Variants in DNM1 observed in about 807,000 individuals in gnomAD.
DNM1 encodes the protein dynamin 1.
In DNM1, 29 loss-of-function variants were observed where a neutral mutation model predicts 104.6. The observed-to-expected ratio is 0.28, with a 90% CI of 0.21 to 0.38. The LOEUF is 0.38. Ranked by LOEUF, DNM1 falls within the 10% of genes least tolerant of loss-of-function variation. The pLI, the probability that DNM1 is intolerant of heterozygous loss-of-function variation, is 1.00. For missense variants in DNM1, 640 were observed against 1,189.4 expected, an observed-to-expected ratio of 0.54 and a Z score of 6.79; for synonymous variants, 445 against 475.8, an observed-to-expected ratio of 0.94 and a Z score of 0.84.
Position 128,253,965 on chromosome 9 carries a change from C to T in DNM1, c.2535-689C>T, listed in dbSNP as rs932081775. 2 of 1,233,674 alleles carry T rather than the reference C, an allele frequency of 1.6e-6. No homozygotes were observed. Among genetic ancestry groups the T allele is most frequent in the Admixed American group, 4.2e-5 (1 of 23,744 alleles). 76.4% of individuals were successfully genotyped at this position (1,233,674 alleles called of 1,614,324 possible). On this transcript the variant is annotated intron_variant, in intron 21 of 21. Coordinates refer to ENST00000372923, the MANE Select transcript of DNM1 (RefSeq NM_004408.4). The surrounding 1 kb of genome is among the most constrained non-coding windows in gnomAD (Gnocchi z 5.9). ...AGCTCCGCCCAGTGAGCCCACCCCC[C>T]ATTCTCCTGCCACTGACTCTCGCTC...
In DNM1 at chr9:128,220,726, A is replaced by AGCGCGCGCGC. The variant is rs747195864; in HGVS notation, c.849+386_849+387insCGCGCGCGCG. 8.3e-3 allele frequency among the ~76,000 whole-genome samples: 1,104 copies of AGCGCGCGCGC among 133,302 alleles called. 9 individuals are homozygous for AGCGCGCGCGC. The highest frequency in any genetic ancestry group is 0.013 in the Non-Finnish European group (779 of 61,068). 87.5% of individuals were successfully genotyped at this position (133,302 alleles called of 152,430 possible). ...TCTGGAATGGGGCATCCAGAACTGAAGTGCGCGCGCGCGCGCGTGTGTGTG... is the reference window on the plus strand; with the variant it reads ...TCTGGAATGGGGCATCCAGAACTGAAGCGCGCGCGCGTGCGCGCGCGCGCGCGTGTGTGTG... On this transcript the variant is annotated intron_variant, in intron 6 of 21. Transcript: ENST00000372923. The surrounding 1 kb of genome is among the most constrained non-coding windows in gnomAD (Gnocchi z 5.2).
intron 15 of DNM1, among the ~76,000 whole-genome samples, chr9:128,242,777 G>A (rs1004210324): frequency 4.6e-5 from 7 of 152,232 alleles, no homozygotes; most frequent in African/African-American, 7.2e-5. Context: ...AAGGATCCAC[G>A]GGTGGAGTTG....
intron 15 of DNM1, among the ~76,000 whole-genome samples, chr9:128,244,554 G>A (rs553811217): frequency 4.0e-5 from 5 of 123,770 alleles, no homozygotes; most frequent in African/African-American, 1.6e-4. Context: ...AGTCTTCCTC[G>A]GCCACCCTTC....
In DNM1 at chr9:128,247,253, G is replaced by A. The variant is rs958577917; in HGVS notation, c.1782-122G>A. 35 of 622,506 alleles carry A rather than the reference G, an allele frequency of 5.6e-5. No homozygotes were observed. The highest frequency in any genetic ancestry group is 7.9e-5 in the Non-Finnish European group (27 of 342,666). The allele number at this position is 622,506 out of a possible 1,614,324, so 38.6% of individuals were successfully genotyped here. A position where few individuals can be genotyped will look rare whatever the true frequency, so the allele number is the denominator to read the frequency against. On this transcript the variant is annotated intron_variant, in intron 16 of 21. Coordinates refer to ENST00000372923, the MANE Select transcript of DNM1 (RefSeq NM_004408.4). This position sits in a 1 kb window ranked among gnomAD's most constrained non-coding sequence, Gnocchi z 5.1. ...GCTGAGAGGAAGGGACTTGCACAGG[G>A]TCACACAGCTGGGAAATGAGCTGGC...
chr9:128,223,154 A>C (rs1030256523), intron 9 of DNM1: 9 of 424,938 alleles, frequency 2.1e-5, no homozygotes, highest in African/African-American at 1.8e-4. Context: ...TAGCTCCCCC[A>C]GTGCCACCCA....
In DNM1 at chr9:128,222,190, C is replaced by A. The variant is rs1835066447; in HGVS notation, c.850-7C>A. The A allele has an allele frequency of 6.2e-7, 1 of 1,610,094 alleles. No individual in the cohort carries two copies. Reference sequence around the variant, plus strand: ...GTCCTCAACCCTTTCCTCACCCTTACCCCCAGCAACTGACGAACCACATCC... The same window carrying A: ...GTCCTCAACCCTTTCCTCACCCTTAACCCCAGCAACTGACGAACCACATCC... On this transcript the variant is annotated splice_region_variant and splice_polypyrimidine_tract_variant and intron_variant, in intron 6 of 21. Coordinates refer to ENST00000372923, the MANE Select transcript of DNM1 (RefSeq NM_004408.4). The surrounding 1 kb of genome is among the most constrained non-coding windows in gnomAD (Gnocchi z 7.8).
chr9:128,219,661 T>C (rs1312939252), intron 4 of DNM1, among the ~76,000 whole-genome samples: 1 of 147,124 alleles, frequency 6.8e-6, no homozygotes, highest in Non-Finnish European at 1.5e-5. Flanking sequence ...AGTGAGACCC[T>C]GTCTCAAAAA....
In DNM1 at chr9:128,248,823, G is replaced by A. The variant is rs1829326302; in HGVS notation, c.2076+70G>A. The A allele has an allele frequency of 6.5e-7, 1 of 1,541,292 alleles. No homozygotes were observed. Among genetic ancestry groups the A allele is most frequent in the Non-Finnish European group, 8.9e-7 (1 of 1,125,066 alleles). On this transcript the variant is annotated intron_variant, in intron 19 of 21. Transcript: ENST00000372923. This position sits in a 1 kb window ranked among gnomAD's most constrained non-coding sequence, Gnocchi z 5.6. ...GGGATGCAGGTGGCCATGTTGGCCTGGGGGAGATGCCAACCAGCCCTATGG... is the reference window on the plus strand; with the variant it reads ...GGGATGCAGGTGGCCATGTTGGCCTAGGGGAGATGCCAACCAGCCCTATGG...
chr9:128,250,476 C>A, intron 20 of DNM1, 120 bp downstream of exon 20: 1 of 1,188,666 alleles, frequency 8.4e-7, no homozygotes, highest in East Asian at 2.6e-5. Flanking sequence ...GAGCGAGGGG[C>A]GGAGCTTAGA....
At position 128,218,126 on chromosome 9, in the gene DNM1, C is replaced by A. The variant is rs755298091; in HGVS notation, c.162-105C>A. On this transcript the variant is annotated intron_variant, in intron 1 of 21. Transcript: ENST00000372923. This position sits in a 1 kb window ranked among gnomAD's most constrained non-coding sequence, Gnocchi z 4.8. ...CTGGGCTAAGGAGCGGTGGAGCCAG[C>A]ACTTTGGAAGGAGCTTTGGCTTTCC... 2.6e-5 allele frequency: 28 copies of A among 1,068,810 alleles called. No individual in the cohort carries two copies. Among genetic ancestry groups the A allele is most frequent in the Non-Finnish European group, 4.1e-5 (28 of 683,908 alleles). 66.2% of individuals were successfully genotyped at this position (1,068,810 alleles called of 1,614,324 possible).
chr9:128,217,455 C>T (rs1450367684), intron 1 of DNM1, among the ~76,000 whole-genome samples: 10 of 152,038 alleles, frequency 6.6e-5, no homozygotes, highest in South Asian at 2.1e-4. Flanking sequence ...TTGCTCTTGT[C>T]GCCTAGGCTG....
chr9:128,253,093 T>C lies in DNM1; in HGVS notation c.2535-1561T>C. 6.2e-7 allele frequency: 1 copy of C among 1,610,900 alleles called. No individual in the cohort carries two copies. On this transcript the variant is annotated intron_variant, in intron 21 of 21. Coordinates refer to ENST00000372923, the MANE Select transcript of DNM1 (RefSeq NM_004408.4). The surrounding 1 kb of genome is among the most constrained non-coding windows in gnomAD (Gnocchi z 5.9). Reference sequence around the variant, plus strand: ...GAACTGCCATGTTGATTTCGTGCTGTCTTTCAGAATCACTATCAGTGACCC... The same window carrying C: ...GAACTGCCATGTTGATTTCGTGCTGCCTTTCAGAATCACTATCAGTGACCC...
intron 11 of DNM1, among the ~76,000 whole-genome samples, chr9:128,238,930 C>T (rs1836186785): frequency 6.6e-6 from 1 of 152,180 alleles, no homozygotes; most frequent in African/African-American, 2.4e-5. Context: ...GCTGGGATTA[C>T]AGGCGTGAGC....
intron 10 of DNM1, among the ~76,000 whole-genome samples, chr9:128,231,100 G>A (rs1051556179): frequency 1.3e-5 from 2 of 151,640 alleles, no homozygotes; most frequent in African/African-American, 2.4e-5. Flanking sequence ...ACCATGCCCT[G>A]CCGTCTGTGT....
intron 1 of DNM1, among the ~76,000 whole-genome samples, chr9:128,216,948 A>G (rs1834642972): frequency 6.6e-6 from 1 of 152,152 alleles, no homozygotes; most frequent in Non-Finnish European, 1.5e-5. Context: ...ATGACTGGCA[A>G]TTCTGACATC....
rs916615823 is a variant in DNM1 at position 128,224,528 on chromosome 9, G to A, written c.1335+139G>A. ...CGGGGTGGGGAGGCAGGCCACCACT[G>A]AATAGGAGACAATGTGCCTCTGAGA... On this transcript the variant is annotated intron_variant, in intron 10 of 21. Transcript: ENST00000372923. The surrounding 1 kb of genome is among the most constrained non-coding windows in gnomAD (Gnocchi z 4.3). 4.0e-6 allele frequency: 3 copies of A among 748,054 alleles called. No homozygotes were observed. Among genetic ancestry groups the A allele is most frequent in the Non-Finnish European group, 6.1e-6 (3 of 494,454 alleles). 46.3% of individuals were successfully genotyped at this position (748,054 alleles called of 1,614,324 possible).
At position 128,243,519 on chromosome 9, in the gene DNM1, C is replaced by T. The variant is rs1048473856; in HGVS notation, c.1671+1174C>T. Among the ~76,000 whole-genome samples the T allele has an allele frequency of 1.3e-5, 2 of 152,234 alleles. No homozygotes were observed. Among genetic ancestry groups the T allele is most frequent in the African/African-American group, 4.8e-5 (2 of 41,464 alleles). On this transcript the variant is annotated intron_variant, in intron 15 of 21. Coordinates refer to ENST00000372923, the MANE Select transcript of DNM1 (RefSeq NM_004408.4). The surrounding 1 kb of genome is among the most constrained non-coding windows in gnomAD (Gnocchi z 4.0). ...CCTTGGGAGGGGCCCTCTGTCGTCA[C>T]TGGCGGGGGCGCCAAGCCATCTGGA...
rs1836546019 is a variant in DNM1 at position 128,243,660 on chromosome 9, C to G, written c.1671+1315C>G. 6.6e-6 allele frequency among the ~76,000 whole-genome samples: 1 copy of G among 152,260 alleles called. No individual in the cohort carries two copies. ...TTCCTGCCGGTCTCTCTGCAGGCTC[C>G]CTAGATGCCCCCATGGGTTTGGGGT... On this transcript the variant is annotated intron_variant, in intron 15 of 21. Transcript: ENST00000372923. The surrounding 1 kb of genome is among the most constrained non-coding windows in gnomAD (Gnocchi z 4.0).
chr9:128,220,922 T>TTTCTTTCTTTCC lies in DNM1; in HGVS notation c.849+592_849+593insCTTCTTTCTTTC, dbSNP rs1834954406. Reference sequence around the variant, plus strand: ...CTTTCTTTCTTTCTTTCTTTCTTTCTTTCTTTCTTTCTTTTCTTTTCTTTC... The same window carrying TTTCTTTCTTTCC: ...CTTTCTTTCTTTCTTTCTTTCTTTCTTTCTTTCTTTCCTTCTTTCTTTCTTTTCTTTTCTTTC... On this transcript the variant is annotated intron_variant, in intron 6 of 21. Coordinates refer to ENST00000372923, the MANE Select transcript of DNM1 (RefSeq NM_004408.4). This position sits in a 1 kb window ranked among gnomAD's most constrained non-coding sequence, Gnocchi z 5.2. Among the ~76,000 whole-genome samples the TTTCTTTCTTTCC allele has an allele frequency of 1.4e-5, 2 of 145,558 alleles. No individual in the cohort carries two copies. Among genetic ancestry groups the TTTCTTTCTTTCC allele is most frequent in the Non-Finnish European group, 3.1e-5 (2 of 65,182 alleles).
Sources: allele counts gnomAD v4.1 joint callset (sites outside exome capture counted in the v4.1 genomes callset), GRCh38; gene constraint gnomAD v4.1.1; non-coding constraint Gnocchi (gnomAD v3.1); transcripts MANE v1.5; gene names NCBI Gene and HGNC (gene_info 2026-07-23, HGNC 2026-07-21).